The following COL19A1 variants were observed in gnomAD, a reference collection of about 807,000 sequenced individuals.
COL19A1 encodes collagen type XIX alpha 1 chain.
A neutral mutation model predicts 190.2 loss-of-function variants in COL19A1; 159 were observed. The ratio of observed to expected loss-of-function variants is 0.84; its 90% CI spans 0.73 to 0.95. The LOEUF is 0.95. Ranked by LOEUF, COL19A1 falls within the 40% of genes least tolerant of loss-of-function variation. COL19A1 has a pLI of 0.00. For missense variants in COL19A1, 1,418 were observed against 1,431.9 expected (o/e 0.99, Z 0.16); for synonymous variants, 509 against 458.9 (o/e 1.11, Z -1.39).
At chr6:69,944,464 T>A (rs957070587) in intron 9 of COL19A1, among the ~76,000 whole-genome samples, 1 of 152,168 alleles carries the variant, frequency 6.6e-6, no homozygotes, top group African/African-American at 2.4e-5. Context: ...CCCAGGAGAC[T>A]CTGCTGAGCA....
At chr6:70,035,286 G>C (rs1380192376) in intron 13 of COL19A1, among the ~76,000 whole-genome samples, 2 of 152,176 alleles carry the variant, frequency 1.3e-5, no homozygotes, top group Non-Finnish European at 2.9e-5. Flanking sequence ...TGAACTTTTA[G>C]ATGAACCATT....
intron 14 of COL19A1, among the ~76,000 whole-genome samples, chr6:70,051,062 C>G (rs1164979561): frequency 6.6e-6 from 1 of 152,070 alleles, no homozygotes; most frequent in Non-Finnish European, 1.5e-5. Flanking sequence ...AGGTCATTTT[C>G]AACTCTAAAA....
chr6:69,873,549 A>G (rs181065598), intron 1 of COL19A1, among the ~76,000 whole-genome samples: 1 of 152,378 alleles, frequency 6.6e-6, no homozygotes, highest in African/African-American at 2.4e-5. Flanking sequence ...TTCTAACTTG[A>G]CATGGACTTT....
chr6:70,207,072 C>T (rs1767919762), intron 50 of COL19A1, 75 bp from the exon 51 acceptor site: 2 of 1,601,504 alleles, frequency 1.2e-6, no homozygotes, highest in East Asian at 2.2e-5. Context: ...GTCGAGTGAT[C>T]CATGTTGGCT....
intron 11 of COL19A1, among the ~76,000 whole-genome samples, chr6:69,980,255 G>T (rs1446721411): frequency 6.6e-6 from 1 of 152,020 alleles, no homozygotes; most frequent in Non-Finnish European, 1.5e-5. Flanking sequence ...TGAGAATCTA[G>T]AAACTGGCCT....
chr6:69,880,063 A>C (rs557027394), intron 2 of COL19A1, among the ~76,000 whole-genome samples: 2 of 152,378 alleles, frequency 1.3e-5, no homozygotes, highest in Admixed American at 6.5e-5. Context: ...AAAATCGGAT[A>C]GGAGGTATAA....
chr6:70,136,381 A>G (rs1432796917), intron 18 of COL19A1, among the ~76,000 whole-genome samples: 1 of 152,174 alleles, frequency 6.6e-6, no homozygotes, highest in Non-Finnish European at 1.5e-5. Flanking sequence ...AGCTGATTAC[A>G]ATCAAAGTGC....
At chr6:70,161,716 GA>G (rs869082818) in intron 34 of COL19A1, among the ~76,000 whole-genome samples, 183 bp from the exon 35 acceptor site, 1 of 151,856 alleles carries the variant, frequency 6.6e-6, no homozygotes, top group East Asian at 1.9e-4. Flanking sequence ...CACCCCTAAA[GA>G]AAAATTTTTA....
In COL19A1 at chr6:70,102,195, C is replaced by G; in HGVS notation, c.1251C>G (p.Pro417=). 1 of 1,612,646 alleles carries G rather than the reference C, an allele frequency of 6.2e-7. No individual in the cohort carries two copies. The change falls in exon 16 of 51, where the codon CCC becomes CCG. Residue 417 remains proline (P), a synonymous_variant. Coordinates refer to ENST00000620364, the MANE Select transcript of COL19A1 (RefSeq NM_001858.6). ...GAAGACGAGGGAAAACAGGACCTCC[C>G]GGAAAACCAGGACCCCCAGGACCAC... ...QRGRRGKTGP[P]GKPGPPGPPG... is the part of the protein sequence containing the mutation.
intron 14 of COL19A1, among the ~76,000 whole-genome samples, chr6:70,062,430 TGA>T (rs200686584): frequency 0.053 from 8,083 of 152,130 alleles, 698 homozygotes; most frequent in African/African-American, 0.19. Context: ...AGGCAAATGC[TGA>T]GAGATTTTGT....
rs560277165 is a variant in COL19A1, at chr6:69,900,516, T to C, written c.266+178T>C. Among the ~76,000 whole-genome samples, 9 of 152,294 alleles carry C rather than the reference T, an allele frequency of 5.9e-5. No homozygotes were observed. The South Asian group carries it at 1.9e-3, about 32-fold the overall frequency. ...TTATAAAAATCATTGCAATCTAATC[T>C]TGGCTCTACAGTGTAAATATCATTT... is the stretch of plus-strand genomic sequence containing the variant. On this transcript the variant is annotated intron_variant, in intron 4 of 50. Transcript: ENST00000620364.
At chr6:69,953,381 G>T (rs1774231921) in intron 9 of COL19A1, among the ~76,000 whole-genome samples, 1 of 151,844 alleles carries the variant, frequency 6.6e-6, no homozygotes, top group African/African-American at 2.4e-5. Flanking sequence ...AAACAGTTTT[G>T]TAAGCCTACT....
In COL19A1 at chr6:70,165,845, T is replaced by C. The variant is rs560228046; in HGVS notation, c.2401-96T>C. On this transcript the variant is annotated intron_variant, in intron 36 of 50. Coordinates refer to ENST00000620364, the MANE Select transcript of COL19A1 (RefSeq NM_001858.6). ...GAAACAACATGGCAAGTCATATCGA[T>C]TTCAGAAGATGGCTCTGTGATTAAT... The C allele has an allele frequency of 6.1e-6, 7 of 1,144,112 alleles. No individual in the cohort carries two copies. The South Asian group carries it at 6.2e-5, about 10-fold the overall frequency. 70.9% of individuals were successfully genotyped at this position (1,144,112 alleles called of 1,614,324 possible). A position where few individuals can be genotyped will look rare whatever the true frequency, so the allele number is the denominator to read the frequency against.
intron 11 of COL19A1, among the ~76,000 whole-genome samples, chr6:69,997,398 A>T (rs779091780): frequency 6.6e-6 from 1 of 152,190 alleles, no homozygotes; most frequent in Non-Finnish European, 1.5e-5. Flanking sequence ...ACAGAAGCTG[A>T]CTCTGAGAGG....
At chr6:70,176,317 G>T (rs1765800558) in intron 41 of COL19A1, among the ~76,000 whole-genome samples, 1 of 152,112 alleles carries the variant, frequency 6.6e-6, no homozygotes, top group Admixed American at 6.6e-5. Flanking sequence ...AAATAAAAAA[G>T]CTGTAACGAG....
intron 23 of COL19A1, 34 bp from the exon 24 acceptor site, chr6:70,144,168 GATGTTCTC>G: frequency 6.6e-7 from 1 of 1,508,998 alleles, no homozygotes; most frequent in East Asian, 2.3e-5. Flanking sequence ...TATTGTAAGA[GATGTTCTC>G]ATTACTCTTT....
Position 70,136,861 on chromosome 6 carries a change from T to A in COL19A1, c.1384-824T>A, listed in dbSNP as rs567396381. On this transcript the variant is annotated intron_variant, in intron 18 of 50. Transcript: ENST00000620364. The stretch of plus-strand genomic sequence containing the variant: ...ATGCTCAGAAATGTAATGGTGAACA[T>A]CATTTTGCAAAAATGCTCTTGAAGT... Among the ~76,000 whole-genome samples, 6 of 152,212 alleles carry A rather than the reference T, an allele frequency of 3.9e-5. No individual in the cohort carries two copies. In the South Asian group the frequency reaches 1.2e-3, roughly 32 times the overall value.
At chr6:69,953,902 G>A (rs1345008901) in intron 9 of COL19A1, among the ~76,000 whole-genome samples, 2 of 151,998 alleles carry the variant, frequency 1.3e-5, no homozygotes, top group East Asian at 3.9e-4. Flanking sequence ...TATTCTTGGT[G>A]TAGATACTGA....
chr6:70,190,687 C>G (rs753289781), intron 48 of COL19A1, among the ~76,000 whole-genome samples: 1 of 152,146 alleles, frequency 6.6e-6, no homozygotes, highest in Non-Finnish European at 1.5e-5. Context: ...CCTTAGTTTT[C>G]TCTTTTATGG....
Sources: gnomAD v4.1 joint callset for allele counts (sites outside exome capture counted in the v4.1 genomes callset) on GRCh38, gnomAD v4.1.1 for gene constraint, MANE v1.5 for transcripts, NCBI Gene and HGNC (gene_info 2026-07-23, HGNC 2026-07-21) for gene names.